MTFR1: variants seen among roughly 807,000 people sequenced by gnomAD.
MTFR1 encodes the protein mitochondrial fission regulator 1, also known as chondrocyte protein with a poly-proline region.
MTFR1 carries 28 observed loss-of-function variants against 38.8 expected under a neutral mutation model. The ratio of observed to expected loss-of-function variants is 0.72; its 90% confidence interval spans 0.53 to 0.99. The LOEUF (loss-of-function observed/expected upper bound fraction) is 0.99. Ranked by LOEUF, MTFR1 falls within the 50% of genes least tolerant of loss-of-function variation. The pLI, the probability that MTFR1 is intolerant of heterozygous loss-of-function variation, is 0.00. For missense variants in MTFR1, 358 were observed against 395.5 expected, an observed-to-expected ratio of 0.91 and a Z score of 0.81; for synonymous variants, 145 against 137.0, an observed-to-expected ratio of 1.06 and a Z score of -0.41.
chr8:65,718,495 A>T (rs1434190782), intron 2 of MTFR1: 1 of 152,374 alleles, frequency 6.6e-6, no homozygotes, highest in African/African-American at 2.4e-5. Flanking sequence ...ACAACATGCA[A>T]TGTCTTCACT....
At position 65,670,030 on chromosome 8, in the gene MTFR1, A is replaced by G. The variant is rs776704861; in HGVS notation, c.66+12A>G. The G allele has an allele frequency of 1.9e-6, 3 of 1,579,776 alleles. No individual in the cohort carries two copies. The highest frequency in any genetic ancestry group is 2.8e-5 in the African/African-American group (2 of 72,640). ...TAAGCATGCAATCGGTGAGTGCTCA[A>G]AATTCATTTTTTAAATCCCGACATT... On this transcript the variant is annotated intron_variant, in intron 2 of 7. Coordinates refer to ENST00000262146, the MANE Select transcript of MTFR1 (RefSeq NM_014637.4).
At chr8:65,721,042 G>A (rs973787540) in intron 3 of MTFR1, among the ~76,000 whole-genome samples, 3 of 152,078 alleles carry the variant, frequency 2.0e-5, no homozygotes, top group East Asian at 1.9e-4. Context: ...CTGGCTCTAC[G>A]TTAACCTAAA....
intron 3 of MTFR1, chr8:65,727,949 C>T (rs1229884675): frequency 6.6e-6 from 1 of 152,202 alleles, no homozygotes; most frequent in East Asian, 1.9e-4. Context: ...CATTACCAAA[C>T]TTATTTAATA....
At chr8:65,771,222 G>T (rs570211812) in exon 4 of MTFR1, 1 of 158,160 alleles carries the variant, frequency 6.3e-6, no homozygotes, top group Non-Finnish European at 1.4e-5. Flanking sequence ...AAACCCAAAC[G>T]TTGCTTATAA....
At chr8:65,745,703 A>T (rs2128905589) in intron 3 of MTFR1, among the ~76,000 whole-genome samples, 1 of 152,374 alleles carries the variant, frequency 6.6e-6, no homozygotes, top group Admixed American at 6.5e-5. Flanking sequence ...ATGAATGCAC[A>T]GGAAGGTTAT....
chr8:65,678,024 A>G (rs1326706030), intron 2 of MTFR1, among the ~76,000 whole-genome samples: 2 of 151,912 alleles, frequency 1.3e-5, no homozygotes, highest in South Asian at 2.1e-4. Flanking sequence ...CAAAAAAAAA[A>G]AAAAAAAGAA....
At chr8:65,733,412 A>T (rs1390515646) in intron 3 of MTFR1, among the ~76,000 whole-genome samples, 2 of 152,298 alleles carry the variant, frequency 1.3e-5, no homozygotes, top group East Asian at 3.9e-4. Flanking sequence ...CTCCCACAAC[A>T]TTCTCAAACA....
chr8:65,730,164 C>T (rs1009595060), intron 3 of MTFR1, among the ~76,000 whole-genome samples: 4 of 95,018 alleles, frequency 4.2e-5, no homozygotes, highest in Admixed American at 2.3e-4. Context: ...ATCCAGGTTG[C>T]GCACTTCTTT....
chr8:65,773,763 G>C (rs1254305426), downstream of MTFR1, among the ~76,000 whole-genome samples: 1 of 152,000 alleles, frequency 6.6e-6, no homozygotes, highest in Non-Finnish European at 1.5e-5. Flanking sequence ...AATTTCATTA[G>C]AGATACTTCT....
chr8:65,708,116 A>G, intron 7 of MTFR1, 105 bp downstream of exon 7: 1 of 1,601,050 alleles, frequency 6.2e-7, no homozygotes, highest in Non-Finnish European at 8.5e-7. Context: ...TAAGTTCCAA[A>G]GGGAGGTGAT....
At chr8:65,765,474 G>A (rs1400550634) in intron 3 of MTFR1, 12 of 102,052 alleles carry the variant, frequency 1.2e-4, no homozygotes, top group Non-Finnish European at 1.7e-4. Context: ...GGGCGACAGA[G>A]CGAGACTCCG....
Position 65,682,348 on chromosome 8 carries a change from C to A in MTFR1, c.67-5C>A. On this transcript the variant is annotated splice_region_variant and splice_polypyrimidine_tract_variant and intron_variant, in intron 2 of 7. Coordinates refer to ENST00000262146, the MANE Select transcript of MTFR1 (RefSeq NM_014637.4). The stretch of plus-strand genomic sequence containing the variant: ...TTAAGCTTTCGGTTTTTCCTACTTC[C>A]TCAGGTACTTTGGTCTAGGAAGCCA... 6.6e-7 allele frequency: 1 copy of A among 1,520,674 alleles called. No homozygotes were observed. Among genetic ancestry groups the A allele is most frequent in the Non-Finnish European group, 8.9e-7 (1 of 1,124,782 alleles). 94.2% of individuals were successfully genotyped at this position (1,520,674 alleles called of 1,614,324 possible). A position where few individuals can be genotyped will look rare whatever the true frequency, so the allele number is the denominator to read the frequency against.
the MTFR1 span, among the ~76,000 whole-genome samples, chr8:65,776,364 A>G: frequency 3.7e-4 from 57 of 152,284 alleles, 1 homozygote; most frequent in East Asian, 0.011. Context: ...ATTGTTTATA[A>G]TAAGTTTGAT....
chr8:65,682,719 T>C, intron 3 of MTFR1: 1 of 969,316 alleles, frequency 1.0e-6, no homozygotes, highest in Non-Finnish European at 1.2e-6. Flanking sequence ...AGTTGTTAAT[T>C]CCTAGGTGAC....
intron 3 of MTFR1, among the ~76,000 whole-genome samples, chr8:65,761,881 G>A (rs917097452): frequency 2.0e-5 from 3 of 152,182 alleles, no homozygotes; most frequent in Non-Finnish European, 4.4e-5. Context: ...CACAACTGGA[G>A]CAGTATTACT....
At chr8:65,737,945 G>C (rs1807222307) in intron 3 of MTFR1, among the ~76,000 whole-genome samples, 1 of 152,040 alleles carries the variant, frequency 6.6e-6, no homozygotes, top group Non-Finnish European at 1.5e-5. Context: ...ACTTAAAATT[G>C]AAAGATTTTA....
chr8:65,721,368 T>TCACTG (rs1806370690), intron 3 of MTFR1, among the ~76,000 whole-genome samples: 1 of 152,234 alleles, frequency 6.6e-6, no homozygotes, highest in Admixed American at 6.5e-5. Context: ...GGAGTAGTAA[T>TCACTG]CACTGCTTGG....
intron 3 of MTFR1, among the ~76,000 whole-genome samples, chr8:65,734,255 C>T (rs1025928730): frequency 1.3e-5 from 2 of 152,142 alleles, no homozygotes; most frequent in African/African-American, 4.8e-5. Context: ...TTTCTTTCCC[C>T]GAAATGCATT....
chr8:65,767,310 T>C (rs562090598), intron 3 of MTFR1, among the ~76,000 whole-genome samples: 1 of 152,340 alleles, frequency 6.6e-6, no homozygotes, highest in African/African-American at 2.4e-5. Flanking sequence ...CATTTCCAAC[T>C]GCATGACCAG....
Sources: gnomAD v4.1 joint callset for allele counts (sites outside exome capture counted in the v4.1 genomes callset) on GRCh38, gnomAD v4.1.1 for gene constraint, MANE v1.5 for transcripts, NCBI Gene and HGNC (gene_info 2026-07-23, HGNC 2026-07-21) for gene names.